Variants in GADL1 observed in about 807,000 individuals in gnomAD.
The protein encoded by GADL1 is GAD like acidic amino acid decarboxylase 1.
GADL1 carries 71 observed loss-of-function variants against 69.5 expected under a neutral mutation model. The observed-to-expected ratio is 1.02, with a 90% CI of 0.84 to 1.25. The LOEUF is 1.25. Ranked by LOEUF, GADL1 falls within the 50% of genes most tolerant of loss-of-function variation. The probability of loss-of-function intolerance (pLI) is 0.00; values close to 1 mark genes in which losing one functional copy is unlikely to be tolerated. For missense variants in GADL1, 737 were observed against 631.8 expected, an observed-to-expected ratio of 1.17 and a Z score of -1.79; for synonymous variants, 254 against 214.4, an observed-to-expected ratio of 1.18 and a Z score of -1.62.
At chr3:30,856,610 C>T (rs548139798) in intron 3 of GADL1, among the ~76,000 whole-genome samples, 1 of 151,942 alleles carries the variant, frequency 6.6e-6, no homozygotes. Context: ...ATTAAAGATA[C>T]CTTTTGAACA....
chr3:30,786,461 A>C (rs1696792176), intron 12 of GADL1, 55 bp from the exon 13 acceptor site: 1 of 921,868 alleles, frequency 1.1e-6, no homozygotes, highest in African/African-American at 1.7e-5. Context: ...AGTGTCATGA[A>C]CATGACTGAT....
intron 12 of GADL1, chr3:30,797,627 T>C (rs1013476669): frequency 1.3e-5 from 2 of 152,044 alleles, no homozygotes; most frequent in Non-Finnish European, 2.9e-5. Context: ...CTCTATGCTA[T>C]TAGGCTAGAT....
chr3:30,780,090 G>A (rs1453458625), intron 13 of GADL1, among the ~76,000 whole-genome samples: 2 of 152,142 alleles, frequency 1.3e-5, no homozygotes, highest in South Asian at 2.1e-4. Flanking sequence ...AGCAAGTGGA[G>A]AGCCCATAAA....
intron 11 of GADL1, among the ~76,000 whole-genome samples, chr3:30,825,409 T>G (rs1697665432): frequency 6.6e-6 from 1 of 151,958 alleles, no homozygotes; most frequent in Non-Finnish European, 1.5e-5. Flanking sequence ...CACATGGACT[T>G]GGATTAACAC....
intron 10 of GADL1, 67 bp from the exon 11 acceptor site, chr3:30,834,001 TATC>T: frequency 9.2e-7 from 1 of 1,087,440 alleles, no homozygotes. Context: ...AATGGAATAC[TATC>T]ATTATCAATA....
intron 14 of GADL1, among the ~76,000 whole-genome samples, chr3:30,752,524 ACT>A (rs762796964): frequency 6.6e-5 from 10 of 152,200 alleles, no homozygotes; most frequent in Non-Finnish European, 1.5e-4. Context: ...GCTGTGGGAC[ACT>A]GTTTGCTTCT....
At chr3:30,753,499 A>AG (rs1311968957) in intron 14 of GADL1, among the ~76,000 whole-genome samples, 1 of 124,088 alleles carries the variant, frequency 8.1e-6, no homozygotes, top group Non-Finnish European at 1.7e-5. Flanking sequence ...AATTTAAGGA[A>AG]GGATAGTTTC....
chr3:30,871,479 T>C (rs1698480392), intron 1 of GADL1, among the ~76,000 whole-genome samples: 1 of 151,790 alleles, frequency 6.6e-6, no homozygotes, highest in South Asian at 2.1e-4. Flanking sequence ...TAAAGAGTTC[T>C]ACAACTGTCA....
chr3:30,832,936 C>T (rs1023683745), intron 11 of GADL1, among the ~76,000 whole-genome samples: 16 of 151,982 alleles, frequency 1.1e-4, no homozygotes, highest in Non-Finnish European at 1.8e-4. Context: ...CATGTCAAAA[C>T]GCACAGGGCA....
chr3:30,776,638 G>T (rs575071852), intron 14 of GADL1, among the ~76,000 whole-genome samples: 2 of 152,184 alleles, frequency 1.3e-5, no homozygotes, highest in Non-Finnish European at 2.9e-5. Context: ...TTTGAGCCAT[G>T]AATAAACAGA....
At chr3:30,767,308 A>G (rs1030880931) in intron 14 of GADL1, among the ~76,000 whole-genome samples, 1 of 152,236 alleles carries the variant, frequency 6.6e-6, no homozygotes, top group Non-Finnish European at 1.5e-5. Flanking sequence ...AATGAAAAAT[A>G]TTAAAGAATG....
chr3:30,746,608 C>G (rs1393366960), intron 14 of GADL1, among the ~76,000 whole-genome samples: 1 of 152,086 alleles, frequency 6.6e-6, no homozygotes, highest in Non-Finnish European at 1.5e-5. Flanking sequence ...GGTGGGCCAA[C>G]AATTGTTAGG....
intron 3 of GADL1, among the ~76,000 whole-genome samples, chr3:30,856,058 TG>T: frequency 6.6e-6 from 1 of 152,144 alleles, no homozygotes; most frequent in Admixed American, 6.6e-5. Flanking sequence ...CTGCATTAAA[TG>T]TCATTCTGCA....
rs746959438 is a variant in GADL1 at position 30,863,051 on chromosome 3, ACACT to A, written c.38-1290_38-1287del. Among the ~76,000 whole-genome samples the A allele has an allele frequency of 1.2e-3, 185 of 148,968 alleles. 1 individual carries two copies. Among genetic ancestry groups the A allele is most frequent in the African/African-American group, 3.2e-3 (130 of 41,178 alleles). On this transcript the variant is annotated intron_variant, in intron 1 of 14. Coordinates refer to ENST00000282538, the MANE Select transcript of GADL1 (RefSeq NM_207359.3). ...TTCACACACACACACACACACACAC[ACACT>A]CTCTCTCACACTCACACACTCACTC...
intron 14 of GADL1, among the ~76,000 whole-genome samples, chr3:30,762,923 T>C (rs1209379482): frequency 2.6e-5 from 4 of 152,224 alleles, no homozygotes; most frequent in Non-Finnish European, 5.9e-5. Context: ...ATCTCATTCT[T>C]TTATGGTTGA....
intron 11 of GADL1, among the ~76,000 whole-genome samples, chr3:30,831,706 G>T (rs894977506): frequency 6.6e-6 from 1 of 151,838 alleles, no homozygotes; most frequent in Admixed American, 6.6e-5. Flanking sequence ...GAATGCTCTC[G>T]TATAAAATTA....
intron 12 of GADL1, chr3:30,799,625 G>A (rs1391584875): frequency 2.0e-5 from 3 of 152,146 alleles, no homozygotes; most frequent in Non-Finnish European, 4.4e-5. Context: ...GCAAATTTCT[G>A]CAGCTAGCTT....
intron 1 of GADL1, among the ~76,000 whole-genome samples, chr3:30,887,047 C>T (rs1250691785): frequency 1.3e-5 from 2 of 152,224 alleles, no homozygotes; most frequent in South Asian, 4.1e-4. Flanking sequence ...GACCTCAGAA[C>T]TTGGGCAGCA....
rs144435325 is a variant in GADL1, at chr3:30,735,275, C to T, written c.1393-6860G>A. ...AACATTTTTCTTAAAAATGCCAAAT[C>T]GAATGAAATCATTCACTCTATTTTC... is the stretch of plus-strand genomic sequence containing the variant. On this transcript the variant is annotated intron_variant, in intron 14 of 14. Transcript: ENST00000282538. Among the ~76,000 whole-genome samples, 45 of 152,252 alleles carry T rather than the reference C, an allele frequency of 3.0e-4. 1 individual carries two copies. Among genetic ancestry groups the T allele is most frequent in the African/African-American group, 9.6e-4 (40 of 41,564 alleles).
Sources: gnomAD v4.1 joint callset for allele counts (sites outside exome capture counted in the v4.1 genomes callset) on GRCh38, gnomAD v4.1.1 for gene constraint, MANE v1.5 for transcripts, NCBI Gene and HGNC (gene_info 2026-07-23, HGNC 2026-07-21) for gene names.